Variants in CNTN4 observed in about 807,000 individuals in gnomAD.
CNTN4 encodes the protein contactin-4.
CNTN4 carries 77 observed loss-of-function variants against 122.5 expected under a neutral mutation model. The ratio of observed to expected loss-of-function variants is 0.63; its 90% CI spans 0.52 to 0.76. The LOEUF is 0.76. Ranked by LOEUF, CNTN4 falls within the 30% of genes least tolerant of loss-of-function variation. The pLI, the probability that CNTN4 is intolerant of heterozygous loss-of-function variation, is 0.00. For missense variants in CNTN4, 1,256 were observed against 1,259.1 expected (o/e 1.00, Z 0.04); for synonymous variants, 512 against 447.0 (o/e 1.15, Z -1.83).
chr3:2,879,507 C>T (rs1471642003), intron 8 of CNTN4, among the ~76,000 whole-genome samples: 1 of 152,042 alleles, frequency 6.6e-6, no homozygotes, highest in Non-Finnish European at 1.5e-5. Flanking sequence ...TATTATTCTG[C>T]AATAAAAAGG....
Position 2,377,791 on chromosome 3 carries a change from A to G in CNTN4, c.-89+38558A>G, listed in dbSNP as rs189680572. Among the ~76,000 whole-genome samples, 18 of 139,776 alleles carry G rather than the reference A, an allele frequency of 1.3e-4. No homozygotes were observed. In the East Asian group the frequency reaches 3.5e-3, roughly 27 times the overall value. The allele number at this position is 139,776 out of a possible 152,430, so 91.7% of individuals were successfully genotyped here. A position where few individuals can be genotyped will look rare whatever the true frequency, so the allele number is the denominator to read the frequency against. The stretch of plus-strand genomic sequence containing the variant: ...TTTGTGATTATTTTTTTTTAACCTC[A>G]TCAGTTATTGTTAGTGTTAGTGTAT... On this transcript the variant is annotated intron_variant, in intron 3 of 24. Coordinates refer to ENST00000418658, the MANE Select transcript of CNTN4 (RefSeq NM_175607.3).
intron 4 of CNTN4, among the ~76,000 whole-genome samples, chr3:2,637,800 C>T (rs2082729891): frequency 1.3e-5 from 2 of 152,272 alleles, no homozygotes; most frequent in East Asian, 3.9e-4. Flanking sequence ...CTCATGCCTA[C>T]CCTTGCCTAA....
At chr3:2,306,957 A>G (rs541749329) in intron 2 of CNTN4, among the ~76,000 whole-genome samples, 127 of 152,288 alleles carry the variant, frequency 8.3e-4, no homozygotes, top group Non-Finnish European at 1.5e-3. Context: ...ATATTTATAT[A>G]TTGAACTTGT....
intron 2 of CNTN4, among the ~76,000 whole-genome samples, chr3:2,150,010 T>G (rs1035087550): frequency 2.6e-5 from 4 of 151,358 alleles, no homozygotes; most frequent in Non-Finnish European, 5.9e-5. Flanking sequence ...GCTGAATATA[T>G]GCAAGGTTAG....
rs148144032 is a variant in CNTN4, at chr3:2,842,116, A to G, written c.454+22535A>G. ...GAGTGTGTTCTTCAACATAAGGGCA[A>G]CGGAAAGCCATGAGCTCTTCTTCTA... On this transcript the variant is annotated intron_variant, in intron 7 of 24. Transcript: ENST00000418658. 5.4e-4 allele frequency among the ~76,000 whole-genome samples: 83 copies of G among 152,306 alleles called. No homozygotes were observed. The East Asian group carries it at 0.015, about 28-fold the overall frequency.
At chr3:2,496,260 T>C (rs1187064342) in intron 3 of CNTN4, among the ~76,000 whole-genome samples, 1 of 152,140 alleles carries the variant, frequency 6.6e-6, no homozygotes, top group African/African-American at 2.4e-5. Context: ...TCGATATTGA[T>C]TTAATTCTGC....
intron 3 of CNTN4, among the ~76,000 whole-genome samples, chr3:2,469,245 T>G (rs913156106): frequency 4.6e-5 from 7 of 152,254 alleles, no homozygotes; most frequent in African/African-American, 1.7e-4. Flanking sequence ...ATTTACTTAA[T>G]TCTTTGCCTC....
intron 4 of CNTN4, among the ~76,000 whole-genome samples, chr3:2,708,205 A>G (rs2086857853): frequency 6.6e-6 from 1 of 152,190 alleles, no homozygotes; most frequent in Non-Finnish European, 1.5e-5. Context: ...AAGGCTGGTG[A>G]CATGAAGTTA....
intron 4 of CNTN4, among the ~76,000 whole-genome samples, chr3:2,624,902 G>A (rs1194402202): frequency 6.6e-6 from 1 of 151,728 alleles, no homozygotes; most frequent in Non-Finnish European, 1.5e-5. Flanking sequence ...TAGAGTGCTG[G>A]GATTACAGGC....
intron 3 of CNTN4, among the ~76,000 whole-genome samples, chr3:2,548,076 C>G (rs889721628): frequency 2.6e-5 from 4 of 151,920 alleles, no homozygotes; most frequent in Admixed American, 2.6e-4. Flanking sequence ...GATTATTAGC[C>G]CTTTGTCAGA....
intron 14 of CNTN4, among the ~76,000 whole-genome samples, chr3:2,991,510 G>T (rs1334345512): frequency 6.6e-6 from 1 of 152,078 alleles, no homozygotes; most frequent in Non-Finnish European, 1.5e-5. Context: ...TAACAATCCT[G>T]TTACTTTAGA....
At chr3:2,277,378 T>A (rs2149866089) in intron 2 of CNTN4, among the ~76,000 whole-genome samples, 1 of 152,256 alleles carries the variant, frequency 6.6e-6, no homozygotes, top group African/African-American at 2.4e-5. Context: ...ACATGCTAAC[T>A]GTTGCTTAGT....
At chr3:2,632,391 CA>C (rs960558733) in intron 4 of CNTN4, among the ~76,000 whole-genome samples, 1 of 152,088 alleles carries the variant, frequency 6.6e-6, no homozygotes, top group African/African-American at 2.4e-5. Context: ...GGCTGTTTTT[CA>C]GTTGAGCATT....
chr3:2,226,610 C>A (rs931546471), intron 2 of CNTN4, among the ~76,000 whole-genome samples: 1 of 152,074 alleles, frequency 6.6e-6, no homozygotes, highest in Non-Finnish European at 1.5e-5. Context: ...AGGCAAACAA[C>A]CCTTAGATTT....
chr3:2,439,577 T>C (rs2048362946), intron 3 of CNTN4, among the ~76,000 whole-genome samples: 1 of 152,074 alleles, frequency 6.6e-6, no homozygotes, highest in South Asian at 2.1e-4. Flanking sequence ...TTAGCTTGAA[T>C]TGTGGTCATC....
chr3:2,366,726 CA>C (rs912485944), intron 3 of CNTN4, among the ~76,000 whole-genome samples: 66 of 139,362 alleles, frequency 4.7e-4, no homozygotes, highest in Middle Eastern at 3.7e-3. Context: ...GACTCTGTCT[CA>C]AAAAAAAAAA....
chr3:2,864,074 C>A (rs2093697479), intron 7 of CNTN4, among the ~76,000 whole-genome samples: 1 of 152,156 alleles, frequency 6.6e-6, no homozygotes, highest in African/African-American at 2.4e-5. Context: ...GTTTTTACTT[C>A]TATAATGATT....
intron 4 of CNTN4, among the ~76,000 whole-genome samples, chr3:2,707,317 C>A (rs545233329): frequency 1.4e-5 from 2 of 146,338 alleles, no homozygotes; most frequent in South Asian, 2.1e-4. Context: ...AAAAAAAAAA[C>A]CCAAAAAAAA....
intron 13 of CNTN4, among the ~76,000 whole-genome samples, chr3:2,981,288 CA>C (rs1275529169): frequency 6.6e-6 from 1 of 151,660 alleles, no homozygotes; most frequent in Non-Finnish European, 1.5e-5. Context: ...ACTAAAAATA[CA>C]AAAAATTAGC....
Sources: allele counts gnomAD v4.1 joint callset (sites outside exome capture counted in the v4.1 genomes callset), GRCh38; gene constraint gnomAD v4.1.1; transcripts MANE v1.5; gene names NCBI Gene and HGNC (gene_info 2026-07-23, HGNC 2026-07-21).